CNTLN: variants seen among roughly 807,000 people sequenced by gnomAD.
The protein encoded by CNTLN is centlein, also known as centlein, centrosomal protein.
Under a neutral mutation model 180.0 loss-of-function variants are expected in CNTLN, and 212 were observed. That is an observed-to-expected ratio of 1.18 (90% confidence interval 1.05 to 1.32). The LOEUF is 1.32. Ranked by LOEUF, CNTLN falls within the 40% of genes most tolerant of loss-of-function variation. The pLI, the probability that CNTLN is intolerant of heterozygous loss-of-function variation, is 0.00. For synonymous variants in CNTLN, 722 were observed against 563.1 expected (o/e 1.28, Z -3.99); for missense variants, 2,095 against 1,610.9 (o/e 1.30, Z -5.14).
At chr9:17,498,887 T>C (rs1833595091) in intron 25 of CNTLN, among the ~76,000 whole-genome samples, 1 of 152,244 alleles carries the variant, frequency 6.6e-6, no homozygotes, top group African/African-American at 2.4e-5. Flanking sequence ...AACTCTAAAA[T>C]CCTATTAGTA....
intron 7 of CNTLN, among the ~76,000 whole-genome samples, chr9:17,306,438 C>T (rs962302153): frequency 6.6e-6 from 1 of 152,136 alleles, no homozygotes; most frequent in Non-Finnish European, 1.5e-5. Flanking sequence ...TGTGAGCCAA[C>T]GTGCCTGACC....
intron 2 of CNTLN, among the ~76,000 whole-genome samples, chr9:17,150,016 A>T (rs1352510596): frequency 6.6e-6 from 1 of 151,608 alleles, no homozygotes; most frequent in East Asian, 1.9e-4. Flanking sequence ...TTTCTGGTAG[A>T]TTTGTTTAAG....
chr9:17,351,715 C>T (rs1822381215), intron 12 of CNTLN, among the ~76,000 whole-genome samples: 1 of 152,170 alleles, frequency 6.6e-6, no homozygotes, highest in African/African-American at 2.4e-5. Flanking sequence ...TCATAAACAT[C>T]TGCATCCACT....
At chr9:17,509,391 T>C in the CNTLN span, among the ~76,000 whole-genome samples, 1 of 152,220 alleles carries the variant, frequency 6.6e-6, no homozygotes, top group African/African-American at 2.4e-5. Context: ...AAAATGCTTC[T>C]GCCAAAACTA....
intron 18 of CNTLN, among the ~76,000 whole-genome samples, chr9:17,456,501 A>G (rs1442139385): frequency 6.6e-6 from 1 of 152,160 alleles, no homozygotes; most frequent in Non-Finnish European, 1.5e-5. Context: ...ATACAAATAC[A>G]TATATAATTA....
At chr9:17,465,866 A>G (rs1387412595) in intron 21 of CNTLN, 115 bp from the exon 22 acceptor site, 2 of 718,548 alleles carry the variant, frequency 2.8e-6, no homozygotes, top group Non-Finnish European at 4.4e-6. Flanking sequence ...TGATAGCGTT[A>G]TGAGAAAATA....
intron 5 of CNTLN, among the ~76,000 whole-genome samples, chr9:17,259,326 C>G (rs1255975025): frequency 1.5e-5 from 2 of 137,204 alleles, no homozygotes; most frequent in Non-Finnish European, 3.1e-5. Flanking sequence ...GGATGAAGCC[C>G]ACTTGATCAT....
intron 15 of CNTLN, among the ~76,000 whole-genome samples, chr9:17,395,544 G>A (rs1004179173): frequency 2.0e-5 from 3 of 152,290 alleles, no homozygotes; most frequent in African/African-American, 7.2e-5. Context: ...CTTGTTACCA[G>A]ATGTCTACAA....
intron 2 of CNTLN, among the ~76,000 whole-genome samples, chr9:17,208,591 G>A (rs4961534): frequency 0.2 from 30,482 of 152,040 alleles, 3,450 homozygotes; most frequent in African/African-American, 0.31. Flanking sequence ...GCCATTGGGT[G>A]CTGGGCTCTT....
At chr9:17,441,029 A>G (rs1442530) in intron 18 of CNTLN, among the ~76,000 whole-genome samples, 83,368 of 151,624 alleles carry the variant, frequency 0.55, 23,572 homozygotes, top group Non-Finnish European at 0.61. Flanking sequence ...GTAAATATAC[A>G]AAACATCCTT....
intron 8 of CNTLN, among the ~76,000 whole-genome samples, chr9:17,322,702 T>C (rs751061017): frequency 7.9e-5 from 12 of 152,176 alleles, no homozygotes; most frequent in Non-Finnish European, 1.6e-4. Context: ...TGTAGCTGGT[T>C]TGCCATCTGG....
rs1260368740 is a variant in CNTLN at position 17,483,668 on chromosome 9, GATTTCTCAAAGAGGCA to G, written c.3856-625_3856-610del. The stretch of plus-strand genomic sequence containing the variant: ...GGTGTGGTATGGGCTAGCTTTTACT[GATTTCTCAAAGAGGCA>G]ACTTAAAGGCTTGTGAAGTAGTTCT... On this transcript the variant is annotated intron_variant, in intron 23 of 25. Transcript: ENST00000380647. 3.3e-5 allele frequency among the ~76,000 whole-genome samples: 5 copies of G among 152,260 alleles called. No individual in the cohort carries two copies. The East Asian group carries it at 9.6e-4, about 29-fold the overall frequency.
At position 17,298,976 on chromosome 9, in the gene CNTLN, G is replaced by T. The variant is rs990450195; in HGVS notation, c.1146+624G>T. ...ATACCTTTATTGGCCGGGCATGGTG[G>T]CTCATGCCTGTAATCCCAGCACTTT... On this transcript the variant is annotated intron_variant, in intron 7 of 25. Coordinates refer to ENST00000380647, the MANE Select transcript of CNTLN (RefSeq NM_017738.4). 22 of 973,472 alleles carry T rather than the reference G, an allele frequency of 2.3e-5. No homozygotes were observed. The African/African-American group carries it at 3.9e-4, about 17-fold the overall frequency. 60.3% of individuals were successfully genotyped at this position (973,472 alleles called of 1,614,324 possible).
chr9:17,483,847 GAAA>G (rs1428140081), intron 23 of CNTLN, among the ~76,000 whole-genome samples: 8 of 152,146 alleles, frequency 5.3e-5, no homozygotes, highest in African/African-American at 1.9e-4. Context: ...TGATAAAATA[GAAA>G]CAGTTCTTTC....
intron 2 of CNTLN, among the ~76,000 whole-genome samples, chr9:17,166,458 G>T (rs1027423754): frequency 6.6e-6 from 1 of 152,130 alleles, no homozygotes; most frequent in Non-Finnish European, 1.5e-5. Flanking sequence ...AGTAATTCAA[G>T]AAAATTTTCA....
chr9:17,312,629 TC>T (rs1469113265), intron 8 of CNTLN, among the ~76,000 whole-genome samples: 3 of 148,792 alleles, frequency 2.0e-5, no homozygotes, highest in African/African-American at 7.5e-5. Flanking sequence ...AATCTCGATC[TC>T]CTGGCCTCGT....
At chr9:17,309,292 T>C in intron 8 of CNTLN, 40 bp downstream of exon 8, 1 of 1,408,048 alleles carries the variant, frequency 7.1e-7, no homozygotes, top group South Asian at 1.7e-5. Flanking sequence ...AGTGTAATAT[T>C]AAATGAAATC....
chr9:17,392,792 G>C (rs1016065175), intron 14 of CNTLN, among the ~76,000 whole-genome samples: 5 of 150,310 alleles, frequency 3.3e-5, no homozygotes, highest in Non-Finnish European at 5.9e-5. Flanking sequence ...GAAAGAGGTT[G>C]AACATTAAAA....
Position 17,332,700 on chromosome 9 carries a change from TG to T in CNTLN, c.1615del (p.Glu539LysfsTer3), listed in dbSNP as rs1375425817. On this transcript the variant is annotated frameshift_variant, in exon 10 of 26. Coordinates refer to ENST00000380647, the MANE Select transcript of CNTLN (RefSeq NM_017738.4). LOFTEE classifies it high-confidence loss of function. The stretch of plus-strand genomic sequence containing the variant: ...AGCTGAGAAAAGCTGAAAGAAAGAT[TG>T]AAAACTTAGAGAAGGCACTACAACT... ...QKLRKAERKIENLEKALQLKS... is the reference protein window; with the variant it reads ...QKLRKAERKIXNLEKALQLKS... 1 of 1,605,226 alleles carries T rather than the reference TG, an allele frequency of 6.2e-7. No homozygotes were observed. Among genetic ancestry groups the T allele is most frequent in the Non-Finnish European group, 8.5e-7 (1 of 1,176,740 alleles).
Sources: gnomAD v4.1 joint callset for allele counts (sites outside exome capture counted in the v4.1 genomes callset) on GRCh38, gnomAD v4.1.1 for gene constraint, MANE v1.5 for transcripts, NCBI Gene and HGNC (gene_info 2026-07-23, HGNC 2026-07-21) for gene names.